USP24: variants seen among roughly 807,000 people sequenced by gnomAD.
The protein encoded by USP24 is ubiquitin carboxyl-terminal hydrolase 24.
A neutral mutation model predicts 361.6 loss-of-function variants in USP24; 97 were observed. The ratio of observed to expected loss-of-function variants is 0.27; its 90% CI spans 0.23 to 0.32. The LOEUF is 0.32. Among genes scored for constraint, USP24 ranks in the 10% least tolerant of loss-of-function variants. USP24 has a pLI of 1.00. For synonymous variants in USP24, 1,098 were observed against 1,124.6 expected, an observed-to-expected ratio of 0.98 and a Z score of 0.47; for missense variants, 2,353 against 3,165.6, an observed-to-expected ratio of 0.74 and a Z score of 6.16.
chr1:55,084,039 C>T (rs1645202723), intron 56 of USP24, among the ~76,000 whole-genome samples, 151 bp from the exon 57 acceptor site: 1 of 152,118 alleles, frequency 6.6e-6, no homozygotes, highest in South Asian at 2.1e-4. Context: ...CTTTGAAGAG[C>T]AAAAACAGAA....
At chr1:55,130,669 T>C (rs574100531) in intron 31 of USP24, among the ~76,000 whole-genome samples, 2 of 152,324 alleles carry the variant, frequency 1.3e-5, no homozygotes, top group African/African-American at 4.8e-5. Flanking sequence ...TGTGCTCTTC[T>C]AAGCCTTTCA....
intron 1 of USP24, among the ~76,000 whole-genome samples, chr1:55,209,173 A>G (rs1449524229): frequency 6.6e-6 from 1 of 152,184 alleles, no homozygotes; most frequent in Non-Finnish European, 1.5e-5. Flanking sequence ...TCTTAGTCGT[A>G]CCTCTGCAAT....
chr1:55,161,852 C>G (rs17111689), intron 8 of USP24, among the ~76,000 whole-genome samples: 5,480 of 152,208 alleles, frequency 0.036, 98 homozygotes, highest in African/African-American at 0.043. Context: ...TACATAAATA[C>G]TAATCTGATT....
intron 24 of USP24, among the ~76,000 whole-genome samples, chr1:55,140,652 A>C (rs990914791): frequency 6.6e-6 from 1 of 152,202 alleles, no homozygotes; most frequent in African/African-American, 2.4e-5. Context: ...AAGCAAAGGA[A>C]TATCCCGTTG....
chr1:55,188,469 T>C (rs970336579), intron 1 of USP24, among the ~76,000 whole-genome samples: 18 of 150,440 alleles, frequency 1.2e-4, no homozygotes, highest in Admixed American at 7.9e-4. Flanking sequence ...GATTTGCATA[T>C]AGAATACAAA....
In USP24 at chr1:55,154,783, A is replaced by T. The variant is rs1647453340; in HGVS notation, c.1447-5T>A. 6.2e-7 allele frequency: 1 copy of T among 1,603,376 alleles called. No homozygotes were observed. Among genetic ancestry groups the T allele is most frequent in the Non-Finnish European group, 8.5e-7 (1 of 1,174,778 alleles). ...CACAGTAGATGATTGTCCTGACTGG[A>T]AAAGGAAACATTGGAAAAAAATTAA... On this transcript the variant is annotated splice_region_variant and splice_polypyrimidine_tract_variant and intron_variant, in intron 12 of 67. Coordinates refer to ENST00000294383, the MANE Select transcript of USP24 (RefSeq NM_015306.3).
At chr1:55,137,213 T>C (rs1646762154) in intron 28 of USP24, among the ~76,000 whole-genome samples, 1 of 152,014 alleles carries the variant, frequency 6.6e-6, no homozygotes, top group Non-Finnish European at 1.5e-5. Flanking sequence ...GAGGTGGAGG[T>C]GACAGACCAA....
intron 56 of USP24, among the ~76,000 whole-genome samples, chr1:55,085,400 T>C (rs1159590308): frequency 6.6e-6 from 1 of 152,232 alleles, no homozygotes; most frequent in Non-Finnish European, 1.5e-5. Flanking sequence ...AGAAGCCAAT[T>C]TGTTGTGAAA....
intron 54 of USP24, among the ~76,000 whole-genome samples, chr1:55,090,121 T>A (rs1015489737): frequency 2.0e-5 from 3 of 152,224 alleles, no homozygotes; most frequent in Admixed American, 2.0e-4. Flanking sequence ...ACTTTCAGAA[T>A]AGCTTACATT....
rs941489152 is a variant in USP24, at chr1:55,166,080, T to C, written c.862-130A>G. Reference sequence around the variant, plus strand: ...GAGATGTTTTGATACAGGCATACAATGTGAAATAAGCACATCATGGAGAAT... The same window carrying C: ...GAGATGTTTTGATACAGGCATACAACGTGAAATAAGCACATCATGGAGAAT... On this transcript the variant is annotated intron_variant, in intron 6 of 67. Coordinates refer to ENST00000294383, the MANE Select transcript of USP24 (RefSeq NM_015306.3). 15 of 687,170 alleles carry C rather than the reference T, an allele frequency of 2.2e-5. No homozygotes were observed. The African/African-American group carries it at 2.8e-4, about 13-fold the overall frequency. The allele number at this position is 687,170 out of a possible 1,614,324, so 42.6% of individuals were successfully genotyped here.
At chr1:55,111,721 A>G (rs1000567339) in intron 38 of USP24, among the ~76,000 whole-genome samples, 6 of 152,170 alleles carry the variant, frequency 3.9e-5, no homozygotes, top group African/African-American at 1.2e-4. Flanking sequence ...ATGGTAAACT[A>G]TAACATAATT....
chr1:55,103,087 T>C (rs1342771011), intron 42 of USP24, among the ~76,000 whole-genome samples: 1 of 152,190 alleles, frequency 6.6e-6, no homozygotes, highest in Middle Eastern at 3.2e-3. Context: ...CATCTTCCCA[T>C]TTCTAGTCTG....
intron 21 of USP24, 76 bp from the exon 22 acceptor site, chr1:55,143,195 GT>G: frequency 8.7e-7 from 1 of 1,144,598 alleles, no homozygotes. Context: ...TAATTATTTT[GT>G]TACATCATGA....
In USP24 at chr1:55,066,557, G is replaced by A. The variant is rs1273094728; in HGVS notation, c.*2488C>T. The stretch of plus-strand genomic sequence containing the variant: ...CTCAGAAGGTAACTGCACACACCTC[G>A]ATGTTAGCAGGGAAGGTGGGGCAGG... On this transcript the variant is annotated 3_prime_UTR_variant, in exon 68 of 68. Transcript: ENST00000294383. The A allele has an allele frequency of 2.0e-5, 3 of 152,268 alleles. No homozygotes were observed. The highest frequency in any genetic ancestry group is 4.4e-5 in the Non-Finnish European group (3 of 68,026). The allele number at this position is 152,268 out of a possible 1,614,324, so 9.4% of individuals were successfully genotyped here. A position where few individuals can be genotyped will look rare whatever the true frequency, so the allele number is the denominator to read the frequency against.
At chr1:55,110,516 C>T (rs1438722842) in intron 38 of USP24, among the ~76,000 whole-genome samples, 1 of 152,132 alleles carries the variant, frequency 6.6e-6, no homozygotes, top group Non-Finnish European at 1.5e-5. Flanking sequence ...ATACGTAATA[C>T]ACTCATTACA....
At chr1:55,097,451 G>T in intron 48 of USP24, 147 bp downstream of exon 48, 1 of 1,244,848 alleles carries the variant, frequency 8.0e-7, no homozygotes, top group Non-Finnish European at 1.1e-6. Flanking sequence ...TCCGGTAACA[G>T]CAGCTGCCTA....
intron 51 of USP24, among the ~76,000 whole-genome samples, chr1:55,094,493 C>A (rs1266052857): frequency 6.6e-6 from 1 of 151,920 alleles, no homozygotes; most frequent in African/African-American, 2.4e-5. Flanking sequence ...CGTGTAAGAA[C>A]AAAGTATTGA....
Position 55,154,311 on chromosome 1 carries a change from CAATATGCA to C in USP24, c.1651-39_1651-32del, listed in dbSNP as rs1331938624. The C allele has an allele frequency of 2.5e-6, 4 of 1,585,684 alleles. No homozygotes were observed. In the Admixed American group the frequency reaches 5.5e-5, roughly 22 times the overall value. ...ATAATATTACATATGATCAGCCAGC[CAATATGCA>C]AATAGCTGCTTTGAGCATTTGTAGC... is the stretch of plus-strand genomic sequence containing the variant. On this transcript the variant is annotated intron_variant, in intron 14 of 67. Coordinates refer to ENST00000294383, the MANE Select transcript of USP24 (RefSeq NM_015306.3).
At chr1:55,206,870 A>C (rs990801225) in intron 1 of USP24, among the ~76,000 whole-genome samples, 3 of 152,184 alleles carry the variant, frequency 2.0e-5, no homozygotes, top group African/African-American at 7.2e-5. Context: ...TACATCTTAA[A>C]TTGCTACCAA....
Sources: gnomAD v4.1 joint callset for allele counts (sites outside exome capture counted in the v4.1 genomes callset) on GRCh38, gnomAD v4.1.1 for gene constraint, MANE v1.5 for transcripts, NCBI Gene and HGNC (gene_info 2026-07-23, HGNC 2026-07-21) for gene names.